GALK1: variants seen among roughly 807,000 people sequenced by gnomAD.
The protein encoded by GALK1 is galactokinase 1, also known as galactokinase.
Under a neutral mutation model 38.6 loss-of-function variants are expected in GALK1, and 30 were observed. The observed-to-expected ratio is 0.78, with a 90% CI of 0.58 to 1.05. GALK1 has a LOEUF of 1.05. Ranked by LOEUF, GALK1 falls within the 50% of genes least tolerant of loss-of-function variation. The pLI, the probability that GALK1 is intolerant of heterozygous loss-of-function variation, is 0.00. For missense variants in GALK1, 512 were observed against 540.5 expected (o/e 0.95, Z 0.52); for synonymous variants, 240 against 233.6 (o/e 1.03, Z -0.25).
At chr17:75,757,633 A>C (rs1226598467), downstream of GALK1, 1 of 1,584,082 alleles carries the variant, frequency 6.3e-7, no homozygotes, top group South Asian at 1.1e-5. Context: ...CAGCTACTCC[A>C]TCCTTGCACC....
At chr17:75,754,957 C>CAG (rs201686139), downstream of GALK1, 1 of 1,451,506 alleles carries the variant, frequency 6.9e-7, no homozygotes, top group Non-Finnish European at 9.3e-7. Context: ...CACACACGTG[C>CAG]ACACGCATGC....
intron 5 of GALK1, among the ~76,000 whole-genome samples, chr17:75,760,061 C>T (rs1299755748): frequency 6.6e-6 from 1 of 152,156 alleles, no homozygotes; most frequent in Non-Finnish European, 1.5e-5. Flanking sequence ...GACTACCTTC[C>T]TGGCCATGTG....
intron 8 of GALK1, chr17:75,752,419 G>A: frequency 6.2e-7 from 1 of 1,612,912 alleles, no homozygotes; most frequent in Non-Finnish European, 8.5e-7. Context: ...AGCAGCCAGG[G>A]CCCTGGCTCA....
rs536677327 is a variant in GALK1, at chr17:75,760,246, A to G, written c.794-1647T>C. ...GTAGCTAGGACTACAGGCACACACC[A>G]CCACACCTGGCTAATTTTTGTATTT... On this transcript the variant is annotated intron_variant, in intron 5 of 7. Transcript: ENST00000588479. Among the ~76,000 whole-genome samples, 675 of 151,694 alleles carry G rather than the reference A, an allele frequency of 4.4e-3. 3 individuals are homozygous for G. Among genetic ancestry groups the G allele is most frequent in the African/African-American group, 0.015 (617 of 41,372 alleles).
chr17:75,757,116 C>T, downstream of GALK1: 3 of 1,612,966 alleles, frequency 1.9e-6, no homozygotes, highest in Non-Finnish European at 2.5e-6. Context: ...AGGTAGGCAC[C>T]TGTCCTTTCC....
intron 2 of GALK1, 92 bp from the exon 3 acceptor site, chr17:75,763,531 C>T: frequency 1.4e-6 from 2 of 1,381,866 alleles, no homozygotes; most frequent in Non-Finnish European, 2.0e-6. Flanking sequence ...GCAGCAACGG[C>T]CTAGCAGCTG....
At chr17:75,756,926 G>C (rs1371595327), downstream of GALK1, 1 of 1,612,322 alleles carries the variant, frequency 6.2e-7, no homozygotes, top group South Asian at 1.1e-5. Flanking sequence ...GACGCTGAAG[G>C]CATCTTCCCT....
At chr17:75,755,811 C>T, downstream of GALK1, 9 of 1,609,188 alleles carry the variant, frequency 5.6e-6, no homozygotes, top group Non-Finnish European at 6.8e-6. Flanking sequence ...CGAGCGGCCG[C>T]TGCAGGGCTA....
At chr17:75,756,646 GC>G (rs1568387433), downstream of GALK1, 1 of 1,612,606 alleles carries the variant, frequency 6.2e-7, no homozygotes, top group South Asian at 1.1e-5. Context: ...CCCCAGAGCT[GC>G]CCCCATCATG....
intron 1 of GALK1, 93 bp from the exon 2 acceptor site, chr17:75,764,179 A>G: frequency 8.7e-7 from 1 of 1,154,166 alleles, no homozygotes; most frequent in Non-Finnish European, 1.3e-6. Context: ...TGATGCCTCC[A>G]CAGTCATCAG....
chr17:75,764,676 TCA>T (rs1446874946), intron 1 of GALK1: 1 of 560,184 alleles, frequency 1.8e-6, no homozygotes, highest in Admixed American at 2.9e-5. Context: ...ACACAGGGCC[TCA>T]CAGTTTAAGG....
intron 5 of GALK1, among the ~76,000 whole-genome samples, chr17:75,762,341 A>G (rs1052035011): frequency 4.6e-5 from 7 of 150,808 alleles, no homozygotes; most frequent in Admixed American, 1.3e-4. Flanking sequence ...GTGGGGGGGG[A>G]AAGTGATGAT....
intron 1 of GALK1, 183 bp from the exon 2 acceptor site, chr17:75,764,269 A>T (rs1439856801): frequency 1.3e-6 from 1 of 767,230 alleles, no homozygotes. Flanking sequence ...CTGCCCCCTT[A>T]GGTCTTCAGG....
chr17:75,762,503 T>C (rs1008923839), intron 5 of GALK1, among the ~76,000 whole-genome samples: 1 of 152,198 alleles, frequency 6.6e-6, no homozygotes, highest in African/African-American at 2.4e-5. Context: ...GAAACATGAT[T>C]TTTCTGATTA....
rs376343759 is a variant in GALK1 at position 75,762,779 on chromosome 17, G to A, written c.718C>T (p.Arg240Trp). Reference protein sequence around the residue: ...SLASSEYPVRRRQCEEVARAL... With the variant: ...SLASSEYPVRWRQCEEVARAL... ...CGGGCCACTTCTTCACATTGGCGCC[G>A]CCGCACAGGGTACTCGCTGGAGGCC... Residue 240 changes from arginine (R) to tryptophan (W), a missense_variant, in exon 5 of 8, where the codon CGG becomes TGG. Coordinates refer to ENST00000588479, the MANE Select transcript of GALK1 (RefSeq NM_000154.2). 19 of 1,613,936 alleles carry A rather than the reference G, an allele frequency of 1.2e-5. No homozygotes were observed. The highest frequency in any genetic ancestry group is 3.3e-5 in the Admixed American group (2 of 60,030).
chr17:75,757,148 G>A (rs760580523), downstream of GALK1: 2 of 1,612,670 alleles, frequency 1.2e-6, no homozygotes, highest in South Asian at 2.2e-5. Flanking sequence ...CCCTCCTCGG[G>A]CCGTGCCTCC....
chr17:75,755,127 C>G, downstream of GALK1: 1 of 1,611,200 alleles, frequency 6.2e-7, no homozygotes, highest in Non-Finnish European at 8.5e-7. Flanking sequence ...CGGAGTCGGG[C>G]TCAGATGAAA....
chr17:75,756,994 C>T (rs139181455), downstream of GALK1: 36 of 1,612,862 alleles, frequency 2.2e-5, no homozygotes, highest in South Asian at 2.2e-4. Flanking sequence ...AGCCGGCTGA[C>T]CGTGCCGGGC....
Position 75,765,042 on chromosome 17 carries a change from A to G in GALK1, c.95T>C (p.Val32Ala), listed in dbSNP as rs778118231. The change falls in exon 1 of 8, where the codon GTG becomes GCG. Residue 32 changes from valine (V) to alanine (A), a missense_variant. Physicochemically the swap from Val to Ala is moderately conservative, Grantham distance 64 (BLOSUM62 0). Transcript: ENST00000588479. ...GAGGTTGACGCGGCCCGGCGCTGACACGGCCAGCTCGGGCTCGGCCCCGAA... is the reference window on the plus strand; with the variant it reads ...GAGGTTGACGCGGCCCGGCGCTGACGCGGCCAGCTCGGGCTCGGCCCCGAA... ...EEFGAEPELA[V>A]SAPGRVNLIG... is the part of the protein sequence containing the mutation. 1 of 1,608,688 alleles carries G rather than the reference A, an allele frequency of 6.2e-7. No homozygotes were observed. Among genetic ancestry groups the G allele is most frequent in the South Asian group, 1.1e-5 (1 of 90,464 alleles).
Sources: allele counts gnomAD v4.1 joint callset (sites outside exome capture counted in the v4.1 genomes callset), GRCh38; gene constraint gnomAD v4.1.1; transcripts MANE v1.5; gene names NCBI Gene and HGNC (gene_info 2026-07-23, HGNC 2026-07-21).